The following SLC39A14 variants were observed in gnomAD, a reference collection of about 807,000 sequenced individuals.
SLC39A14 encodes the protein metal cation symporter ZIP14.
SLC39A14 carries 19 observed loss-of-function variants against 45.5 expected under a neutral mutation model. The observed-to-expected ratio is 0.42, with a 90% confidence interval of 0.29 to 0.61. The LOEUF is 0.61. Ranked by LOEUF, SLC39A14 falls within the 20% of genes least tolerant of loss-of-function variation. SLC39A14 has a pLI of 0.22. For missense variants in SLC39A14, 447 were observed against 616.5 expected (o/e 0.73, Z 2.91); for synonymous variants, 264 against 251.3 (o/e 1.05, Z -0.48).
intron 1 of SLC39A14, among the ~76,000 whole-genome samples, chr8:22,376,919 C>T (rs1168924349): frequency 2.0e-5 from 3 of 152,114 alleles, no homozygotes; most frequent in Admixed American, 2.0e-4. Flanking sequence ...AAGAAGTTAT[C>T]TTTCTTTCCC....
In SLC39A14 at chr8:22,367,906, C is replaced by G. The variant is rs978123926; in HGVS notation, c.-16+498C>G. On this transcript the variant is annotated intron_variant, in intron 1 of 8. Coordinates refer to ENST00000381237, the MANE Select transcript of SLC39A14 (RefSeq NM_001128431.4). The surrounding 1 kb of genome is among the most constrained non-coding windows in gnomAD (Gnocchi z 4.2). Reference sequence around the variant, plus strand: ...GCGAATCTCCAACCTGGCTTGCCCACGAGGATGGCTTTCTGGCTATTTTTG... The same window carrying G: ...GCGAATCTCCAACCTGGCTTGCCCAGGAGGATGGCTTTCTGGCTATTTTTG... Among the ~76,000 whole-genome samples, 1 of 152,214 alleles carries G rather than the reference C, an allele frequency of 6.6e-6. No homozygotes were observed. Among genetic ancestry groups the G allele is most frequent in the Non-Finnish European group, 1.5e-5 (1 of 68,034 alleles).
intron 1 of SLC39A14, among the ~76,000 whole-genome samples, chr8:22,370,998 G>A (rs990380746): frequency 2.0e-5 from 3 of 152,130 alleles, no homozygotes; most frequent in African/African-American, 7.2e-5. Flanking sequence ...ACAGGGTCAC[G>A]AAGCCCCACT....
chr8:22,392,824 G>A (rs1834155246), intron 1 of SLC39A14: 4 of 152,198 alleles, frequency 2.6e-5, no homozygotes, highest in Admixed American at 2.0e-4. Context: ...GGGCCTGGCT[G>A]TCATTACACT....
downstream of SLC39A14, among the ~76,000 whole-genome samples, chr8:22,427,525 C>T (rs1235164006): frequency 6.6e-6 from 1 of 151,252 alleles, no homozygotes; most frequent in Non-Finnish European, 1.5e-5. Context: ...AAAAAAAAAA[C>T]CTCTTTGATC....
intron 8 of SLC39A14, among the ~76,000 whole-genome samples, chr8:22,430,990 TC>T: frequency 1.5e-5 from 1 of 68,718 alleles, no homozygotes; most frequent in Non-Finnish European, 3.2e-5. Context: ...CCCAATTCCC[TC>T]TTTTTTTTTT....
rs1563534591 is a variant in SLC39A14, at chr8:22,396,600, A to AGAAGGAC, written c.-15-8094_-15-8093insAGGACGA. The stretch of plus-strand genomic sequence containing the variant: ...AGAGAGAGAGAGAGAGAGAGAGAGA[A>AGAAGGAC]GACTAAGTGGAATTTGGAATTGGAT... On this transcript the variant is annotated intron_variant, in intron 1 of 8. Transcript: ENST00000381237. Among the ~76,000 whole-genome samples, 29 of 25,190 alleles carry AGAAGGAC rather than the reference A, an allele frequency of 1.2e-3. 6 individuals carry two copies. Among genetic ancestry groups the AGAAGGAC allele is most frequent in the East Asian group, 7.7e-3 (1 of 130 alleles). The allele number at this position is 25,190 out of a possible 152,430, so 16.5% of individuals were successfully genotyped here.
chr8:22,368,519 TTATTTTATTTTATTTTATTG>T (rs552288219), intron 1 of SLC39A14, among the ~76,000 whole-genome samples: 8,368 of 49,826 alleles, frequency 0.17, 316 homozygotes, highest in African/African-American at 0.31. Flanking sequence ...TTATTTTATT[TTATTTTATTTTATTTTATTG>T]TATTTTATTT....
At chr8:22,433,487 G>A (rs1373693530) in intron 8 of SLC39A14, among the ~76,000 whole-genome samples, 1 of 151,012 alleles carries the variant, frequency 6.6e-6, no homozygotes, top group Admixed American at 6.6e-5. Context: ...CTCCCAAGCA[G>A]CTGGGACTAC....
In SLC39A14 at chr8:22,419,910, T is replaced by A; in HGVS notation, c.*212T>A. The A allele has an allele frequency of 4.8e-6, 6 of 1,262,590 alleles. No individual in the cohort carries two copies. Among genetic ancestry groups the A allele is most frequent in the Non-Finnish European group, 6.0e-6 (6 of 1,004,100 alleles). The allele number at this position is 1,262,590 out of a possible 1,614,324, so 78.2% of individuals were successfully genotyped here. On this transcript the variant is annotated 3_prime_UTR_variant, in exon 9 of 9. Coordinates refer to ENST00000381237, the MANE Select transcript of SLC39A14 (RefSeq NM_001128431.4). ...TAACCAGTCTCTAGCTAGTGCCTCT[T>A]GCCCTCTCCTCACCTCCTTTTCTCT...
chr8:22,427,248 G>A (rs897677600), downstream of SLC39A14, among the ~76,000 whole-genome samples: 8 of 152,004 alleles, frequency 5.3e-5, no homozygotes, highest in East Asian at 7.8e-4. Flanking sequence ...CTGAGGTCAC[G>A]CCATTGCACT....
intron 1 of SLC39A14, among the ~76,000 whole-genome samples, chr8:22,399,661 C>G (rs537870595): frequency 2.7e-4 from 41 of 152,336 alleles, no homozygotes; most frequent in Middle Eastern, 6.8e-3. Flanking sequence ...GAAGGTGGTC[C>G]TGTGGGCTCA....
chr8:22,406,015 A>G (rs973981818), intron 2 of SLC39A14, among the ~76,000 whole-genome samples: 5 of 152,332 alleles, frequency 3.3e-5, no homozygotes, highest in African/African-American at 4.8e-5. Flanking sequence ...GAAATGAAGC[A>G]TTGCATTTTG....
chr8:22,417,071 G>A (rs1373910729), intron 7 of SLC39A14, among the ~76,000 whole-genome samples: 2 of 152,210 alleles, frequency 1.3e-5, no homozygotes, highest in Non-Finnish European at 2.9e-5. Context: ...AGTGTAAAAA[G>A]CTAGTAATTA....
At chr8:22,368,912 C>G (rs780483074) in intron 1 of SLC39A14, among the ~76,000 whole-genome samples, 1 of 152,112 alleles carries the variant, frequency 6.6e-6, no homozygotes, top group Non-Finnish European at 1.5e-5. Flanking sequence ...GCATATCCCC[C>G]GGGACGCAGC....
intron 1 of SLC39A14, chr8:22,398,760 C>G (rs1834668101): frequency 1.0e-6 from 1 of 985,288 alleles, no homozygotes; most frequent in Non-Finnish European, 1.2e-6. Flanking sequence ...AGTGCCGCTT[C>G]TAGGCAGAGC....
intron 1 of SLC39A14, among the ~76,000 whole-genome samples, chr8:22,387,130 G>A (rs559300676): frequency 6.6e-6 from 1 of 150,824 alleles, no homozygotes; most frequent in South Asian, 2.1e-4. Context: ...CTGTGATCAT[G>A]TCAGTGCACT....
In SLC39A14 at chr8:22,422,579, C is replaced by T; in HGVS notation, c.*2881C>T. 1 of 984,600 alleles carries T rather than the reference C, an allele frequency of 1.0e-6. No homozygotes were observed. The highest frequency in any genetic ancestry group is 1.1e-4 in the East Asian group (1 of 8,812). The allele number at this position is 984,600 out of a possible 1,614,324, so 61.0% of individuals were successfully genotyped here. On this transcript the variant is annotated 3_prime_UTR_variant, in exon 9 of 9. Transcript: ENST00000381237. The stretch of plus-strand genomic sequence containing the variant: ...TCCATCACAGTATTTTTTTAAATAA[C>T]TCAGGTGTATGAGAAGAAATTAGAA...
chr8:22,424,839 C>A (rs1836355342), downstream of SLC39A14, among the ~76,000 whole-genome samples: 1 of 152,014 alleles, frequency 6.6e-6, no homozygotes, highest in South Asian at 2.1e-4. Flanking sequence ...CCAGCCTGGC[C>A]AACATGGTGT....
intron 8 of SLC39A14, among the ~76,000 whole-genome samples, chr8:22,428,666 C>T (rs1836424394): frequency 6.6e-6 from 1 of 151,776 alleles, no homozygotes; most frequent in African/African-American, 2.4e-5. Flanking sequence ...TGGTCTCGAT[C>T]TCTTGACCTT....
Sources: allele counts gnomAD v4.1 joint callset (sites outside exome capture counted in the v4.1 genomes callset), GRCh38; gene constraint gnomAD v4.1.1; non-coding constraint Gnocchi (gnomAD v3.1); transcripts MANE v1.5; gene names NCBI Gene and HGNC (gene_info 2026-07-23, HGNC 2026-07-21).